Variants in C11orf91 observed in about 807,000 individuals in gnomAD.
The protein encoded by C11orf91 is chromosome 11 open reading frame 91.
C11orf91 carries 10 observed loss-of-function variants against 14.3 expected under a neutral mutation model. That is an observed-to-expected ratio of 0.70 (90% CI 0.43 to 1.18). C11orf91 has a LOEUF of 1.18. Among genes scored for constraint, C11orf91 ranks in the 50% most tolerant of loss-of-function variants. The pLI is 0.00. For synonymous variants in C11orf91, 141 were observed against 130.6 expected (o/e 1.08, Z -0.54); for missense variants, 236 against 269.0 (o/e 0.88, Z 0.86).
chr11:33,698,608 C>A, intron 1 of C11orf91, 94 bp from the exon 2 acceptor site: 1 of 858,742 alleles, frequency 1.2e-6, no homozygotes, highest in South Asian at 1.5e-5. Flanking sequence ...TGTGCTTCCT[C>A]GACCCTAAAA....
Position 33,700,270 on chromosome 11 carries a change from A to C in C11orf91, c.471T>G (p.Thr157=), listed in dbSNP as rs1853098493. 6.5e-7 allele frequency: 1 copy of C among 1,534,250 alleles called. No individual in the cohort carries two copies. The highest frequency in any genetic ancestry group is 1.4e-5 in the African/African-American group (1 of 72,860). The change falls in exon 1 of 2, where the codon ACT becomes ACG. Residue 157 remains threonine (T), a synonymous_variant. Transcript: ENST00000379011. ...AGCTCTGGGAGTCGAAGCCGTCCCC[A>C]GTGATGGTGAGCAACTCCAGCTCCT... ...RIKELELLTI[T]GDGFDSQSYT...
At chr11:33,702,272 A>G (rs1853140827), upstream of C11orf91, among the ~76,000 whole-genome samples, 1 of 152,164 alleles carries the variant, frequency 6.6e-6, no homozygotes, top group Admixed American at 6.5e-5. Flanking sequence ...GGGGCAACAT[A>G]GCGAGATTCT....
At chr11:33,705,751 T>A (rs1853283449), upstream of C11orf91, 1 of 152,240 alleles carries the variant, frequency 6.6e-6, no homozygotes, top group Non-Finnish European at 1.5e-5. Flanking sequence ...CCCTTTCATA[T>A]ATACATATAT....
At chr11:33,703,918 C>G (rs548970580), upstream of C11orf91, 1 of 152,354 alleles carries the variant, frequency 6.6e-6, no homozygotes, top group East Asian at 1.9e-4. Flanking sequence ...TTGCCACAGC[C>G]CTCTCCAGCC....
chr11:33,705,280 A>G (rs1853265231), upstream of C11orf91: 1 of 152,246 alleles, frequency 6.6e-6, no homozygotes, highest in Non-Finnish European at 1.5e-5. Flanking sequence ...TCCACAAGCA[A>G]CAGAAGCTTA....
chr11:33,700,605 A>G lies in C11orf91; in HGVS notation c.136T>C (p.Phe46Leu), dbSNP rs1853108937. ...LSDFNIWKKLFVPLKAGGAPV... is the reference protein window; with the variant it reads ...LSDFNIWKKLLVPLKAGGAPV... ...GCCCCGCCCGCCTTCAGCGGCACGA[A>G]GAGCTTCTTCCAGATGTTGAAGTCG... The change falls in exon 1 of 2, where the codon TTC (phenylalanine) becomes CTC (leucine). Residue 46 changes from phenylalanine (F) to leucine (L), a missense_variant. Phe to Leu is a conservative substitution (Grantham distance 22). Coordinates refer to ENST00000379011, the MANE Select transcript of C11orf91 (RefSeq NM_001166692.2). 6.8e-7 allele frequency: 1 copy of G among 1,469,696 alleles called. No individual in the cohort carries two copies. Among genetic ancestry groups the G allele is most frequent in the African/African-American group, 1.5e-5 (1 of 68,706 alleles). 91.0% of individuals were successfully genotyped at this position (1,469,696 alleles called of 1,614,324 possible).
Position 33,698,436 on chromosome 11 carries a change from A to G in C11orf91, c.575T>C (p.Leu192Pro), listed in dbSNP as rs1209273725. The G allele has an allele frequency of 3.3e-6, 5 of 1,536,510 alleles. No homozygotes were observed. The East Asian group carries it at 9.8e-5, about 30-fold the overall frequency. The change falls in exon 2 of 2, where the codon CTC (leucine) becomes CCC (proline). Residue 192 changes from leucine to proline, a missense_variant. Transcript: ENST00000379011. Reference protein sequence around the residue: ...TKQPGKKSASLS With the variant: ...TKQPGKKSASPS The stretch of plus-strand genomic sequence containing the variant: ...GCTCTGGTAGGCAGCTCCTCAGGAG[A>G]GAGAGGCCGACTTCTTTCCAGGTTG...
upstream of C11orf91, chr11:33,700,835 C>T (rs2133498478): frequency 8.6e-7 from 1 of 1,165,086 alleles, no homozygotes; most frequent in East Asian, 3.2e-5. Flanking sequence ...ACAAGCCCCG[C>T]CCCGATGGAG....
At chr11:33,702,191 C>A (rs1003383468), upstream of C11orf91, among the ~76,000 whole-genome samples, 1 of 152,202 alleles carries the variant, frequency 6.6e-6, no homozygotes, top group African/African-American at 2.4e-5. Flanking sequence ...AGCTCAGCAC[C>A]CAGCCTGTAA....
At chr11:33,702,652 T>C (rs61589887), upstream of C11orf91, 148 of 255,020 alleles carry the variant, frequency 5.8e-4, no homozygotes, top group African/African-American at 3.2e-3. Context: ...TTTGTTTCTG[T>C]AAGAACCCCA....
intron 1 of C11orf91, among the ~76,000 whole-genome samples, chr11:33,698,774 ATT>A (rs55712821): frequency 0.035 from 3,605 of 104,480 alleles, 111 homozygotes; most frequent in African/African-American, 0.12. Context: ...TCTTCTTCTA[ATT>A]TTTTTTTTTT....
chr11:33,702,841 T>C (rs972800192), upstream of C11orf91: 4 of 198,408 alleles, frequency 2.0e-5, no homozygotes, highest in African/African-American at 7.1e-5. Context: ...GGATCCACTA[T>C]GTATTTGGCT....
chr11:33,702,722 GC>G, upstream of C11orf91: 1 of 392,474 alleles, frequency 2.5e-6, no homozygotes, highest in South Asian at 1.9e-5. Context: ...TAATTCTCAG[GC>G]CCCAGGCTCT....
upstream of C11orf91, among the ~76,000 whole-genome samples, chr11:33,701,095 G>C (rs1387815732): frequency 6.6e-6 from 1 of 152,250 alleles, no homozygotes; most frequent in Non-Finnish European, 1.5e-5. Flanking sequence ...CAGGCAGCGG[G>C]CCAGGGCTGC....
chr11:33,700,636 C>A lies in C11orf91; in HGVS notation c.105G>T (p.Pro35=), dbSNP rs1853109652. 11 of 1,473,796 alleles carry A rather than the reference C, an allele frequency of 7.5e-6. No individual in the cohort carries two copies. Among genetic ancestry groups the A allele is most frequent in the African/African-American group, 1.5e-5 (1 of 68,676 alleles). 91.3% of individuals were successfully genotyped at this position (1,473,796 alleles called of 1,614,324 possible). ...TCTTCCAGATGTTGAAGTCGCTGAG[C>A]GGGGACGAGGAGATGCCGCGGTCGT... The part of the protein sequence containing the change: ...SLYDRGISSS[P]LSDFNIWKKL... Residue 35 remains proline (P), a synonymous_variant, in exon 1 of 2, where the codon CCG becomes CCT. Transcript: ENST00000379011.
chr11:33,700,104 G>A, intron 1 of C11orf91, 141 bp downstream of exon 1: 2 of 857,238 alleles, frequency 2.3e-6, no homozygotes, highest in Non-Finnish European at 3.5e-6. Flanking sequence ...AGGGAGTCTG[G>A]GTGCTAGGGG....
intron 1 of C11orf91, among the ~76,000 whole-genome samples, chr11:33,698,920 A>C (rs527727131): frequency 6.6e-6 from 1 of 151,464 alleles, no homozygotes; most frequent in East Asian, 2.0e-4. Flanking sequence ...AGATGAGATT[A>C]CAAATGTGTG....
chr11:33,706,097 G>C, the C11orf91 span: 1 of 152,118 alleles, frequency 6.6e-6, no homozygotes, highest in Admixed American at 6.5e-5. Context: ...TCAGTCCCCT[G>C]CTGGGTGCAT....
At position 33,700,811 on chromosome 11, in the gene C11orf91, G is replaced by C; in HGVS notation, c.-71C>G. ...GCGCGCTCAGGCCCCGAGTCGCCGG[G>C]GTTTCGAGGTTCCACAAGCCCCGCC... On this transcript the variant is annotated 5_prime_UTR_variant, in exon 1 of 2. Coordinates refer to ENST00000379011, the MANE Select transcript of C11orf91 (RefSeq NM_001166692.2). The C allele has an allele frequency of 8.1e-7, 1 of 1,240,140 alleles. No individual in the cohort carries two copies. Among genetic ancestry groups the C allele is most frequent in the Non-Finnish European group, 1.0e-6 (1 of 989,718 alleles). 76.8% of individuals were successfully genotyped at this position (1,240,140 alleles called of 1,614,324 possible). A position where few individuals can be genotyped will look rare whatever the true frequency, so the allele number is the denominator to read the frequency against.
Sources: allele counts gnomAD v4.1 joint callset (sites outside exome capture counted in the v4.1 genomes callset), GRCh38; gene constraint gnomAD v4.1.1; transcripts MANE v1.5; gene names NCBI Gene and HGNC (gene_info 2026-07-23, HGNC 2026-07-21).